Variants in SAMD5 observed in about 807,000 individuals in gnomAD.
SAMD5 encodes the protein sterile alpha motif domain-containing protein 5.
Under a neutral mutation model 11.3 loss-of-function variants are expected in SAMD5, and 13 were observed. The observed-to-expected ratio is 1.15, with a 90% confidence interval of 0.75 to 1.83. SAMD5 has a LOEUF of 1.83. Among genes scored for constraint, SAMD5 ranks in the 40% most tolerant of loss-of-function variants. The pLI, the probability that SAMD5 is intolerant of heterozygous loss-of-function variation, is 0.00. For synonymous variants in SAMD5, 129 were observed against 111.3 expected (o/e 1.16, Z -1.00); for missense variants, 255 against 239.1 (o/e 1.07, Z -0.44).
At chr6:147,899,195 A>AT in the SAMD5 span, among the ~76,000 whole-genome samples, 2 of 149,060 alleles carry the variant, frequency 1.3e-5, no homozygotes, top group African/African-American at 2.5e-5. Flanking sequence ...AAAAAAAAAG[A>AT]TAACGTGTCA....
chr6:147,580,349 A>T (rs1364694125), intron 1 of SAMD5, among the ~76,000 whole-genome samples: 2 of 152,218 alleles, frequency 1.3e-5, no homozygotes, highest in African/African-American at 2.4e-5. Context: ...TTACTTACTT[A>T]TCAGACCTCC....
intron 1 of SAMD5, among the ~76,000 whole-genome samples, chr6:147,722,348 A>C (rs1791567590): frequency 6.6e-6 from 1 of 152,130 alleles, no homozygotes. Context: ...TGAAAAAAGC[A>C]CCAAACAATT....
rs1464328534 is a variant in SAMD5, at chr6:147,566,592, C to T, written c.*2136C>T. 27 of 979,662 alleles carry T rather than the reference C, an allele frequency of 2.8e-5. No homozygotes were observed. The highest frequency in any genetic ancestry group is 3.0e-5 in the Non-Finnish European group (25 of 824,456). The allele number at this position is 979,662 out of a possible 1,614,324, so 60.7% of individuals were successfully genotyped here. A position where few individuals can be genotyped will look rare whatever the true frequency, so the allele number is the denominator to read the frequency against. On this transcript the variant is annotated 3_prime_UTR_variant, in exon 2 of 2. Coordinates refer to ENST00000367474, the MANE Select transcript of SAMD5 (RefSeq NM_001030060.3). ...CCTTGGTCATTTCAAGTTTTATTTT[C>T]TATTAGAGTAATATCTAACTTCAAT...
intron 1 of SAMD5, among the ~76,000 whole-genome samples, chr6:147,724,601 T>G (rs1200099717): frequency 6.6e-6 from 1 of 152,130 alleles, no homozygotes; most frequent in Non-Finnish European, 1.5e-5. Context: ...ACTGAAAAAG[T>G]CACCTTATCC....
chr6:147,629,208 G>A (rs1163606801), intron 1 of SAMD5, among the ~76,000 whole-genome samples: 1 of 152,150 alleles, frequency 6.6e-6, no homozygotes, highest in Non-Finnish European at 1.5e-5. Context: ...TACTCAGGAG[G>A]TTGGGGCAGG....
At chr6:147,678,541 C>A (rs1282045868) in intron 1 of SAMD5, among the ~76,000 whole-genome samples, 1 of 150,640 alleles carries the variant, frequency 6.6e-6, no homozygotes, top group Non-Finnish European at 1.5e-5. Context: ...TAGGGCTTTT[C>A]TTAAGTCTAC....
At chr6:147,772,944 C>G in the SAMD5 span, among the ~76,000 whole-genome samples, 2 of 152,082 alleles carry the variant, frequency 1.3e-5, no homozygotes, top group African/African-American at 4.8e-5. Context: ...ACTGAGTGCC[C>G]GCTATGCTGT....
chr6:147,707,080 GGAACA>G (rs1383867607), intron 1 of SAMD5, among the ~76,000 whole-genome samples: 6 of 152,172 alleles, frequency 3.9e-5, no homozygotes, highest in African/African-American at 1.4e-4. Context: ...TGTTTTTTGA[GGAACA>G]GAAGTTTTAG....
the SAMD5 span, among the ~76,000 whole-genome samples, chr6:147,829,573 A>G: frequency 6.6e-6 from 1 of 152,172 alleles, no homozygotes. Flanking sequence ...ATACATGAAT[A>G]TATTTATATA....
the SAMD5 span, among the ~76,000 whole-genome samples, chr6:147,743,502 C>CAA: frequency 1.2e-4 from 14 of 119,692 alleles, no homozygotes; most frequent in African/African-American, 4.2e-4. Context: ...GACTCTGTCT[C>CAA]AAAAAAAAAA....
the SAMD5 span, among the ~76,000 whole-genome samples, chr6:147,791,338 C>T: frequency 6.6e-6 from 1 of 152,090 alleles, no homozygotes; most frequent in South Asian, 2.1e-4. Context: ...CTAAAGATCT[C>T]GGCTCTTTAG....
intron 1 of SAMD5, among the ~76,000 whole-genome samples, chr6:147,689,889 T>C (rs1022304342): frequency 6.6e-6 from 1 of 152,194 alleles, no homozygotes; most frequent in Non-Finnish European, 1.5e-5. Context: ...TAAAAAGTAA[T>C]TCTGTCTGGA....
the SAMD5 span, among the ~76,000 whole-genome samples, chr6:147,877,847 T>TACACAC: frequency 0.13 from 14,155 of 111,356 alleles, 1,039 homozygotes; most frequent in Non-Finnish European, 0.16. Context: ...TTTATATAAA[T>TACACAC]ACACACACAC....
intron 1 of SAMD5, among the ~76,000 whole-genome samples, chr6:147,658,428 C>CAT (rs10623509): frequency 0.089 from 13,435 of 151,544 alleles, 878 homozygotes; most frequent in East Asian, 0.26. Context: ...TTTATTTATT[C>CAT]ATATATATAT....
intron 1 of SAMD5, among the ~76,000 whole-genome samples, chr6:147,652,553 G>A (rs1329931341): frequency 6.6e-6 from 1 of 152,142 alleles, no homozygotes; most frequent in Non-Finnish European, 1.5e-5. Flanking sequence ...GAGACACCAT[G>A]GTTCAGCAGC....
chr6:147,580,118 AGTT>A (rs1026655013), intron 1 of SAMD5, among the ~76,000 whole-genome samples: 9 of 152,332 alleles, frequency 5.9e-5, no homozygotes, highest in African/African-American at 1.9e-4. Flanking sequence ...CTTTAAATAC[AGTT>A]GTTAGCAGAT....
chr6:147,904,784 G>A, the SAMD5 span, among the ~76,000 whole-genome samples: 1 of 152,072 alleles, frequency 6.6e-6, no homozygotes, highest in Non-Finnish European at 1.5e-5. Context: ...TCTGAATTTG[G>A]AAGAAATTCT....
At chr6:147,538,694 A>G (rs960828970) in intron 1 of SAMD5, among the ~76,000 whole-genome samples, 1 of 152,218 alleles carries the variant, frequency 6.6e-6, no homozygotes, top group Admixed American at 6.5e-5. Context: ...AACAATTTTC[A>G]AAAGTTAAAG....
At chr6:147,683,997 C>G (rs978026009) in intron 1 of SAMD5, among the ~76,000 whole-genome samples, 1 of 152,116 alleles carries the variant, frequency 6.6e-6, no homozygotes, top group African/African-American at 2.4e-5. Context: ...AAATACCACA[C>G]AAATCATGAA....
Sources: gnomAD v4.1 joint callset for allele counts (sites outside exome capture counted in the v4.1 genomes callset) on GRCh38, gnomAD v4.1.1 for gene constraint, MANE v1.5 for transcripts, NCBI Gene and HGNC (gene_info 2026-07-23, HGNC 2026-07-21) for gene names.